PKHD1: variants seen among roughly 807,000 people sequenced by gnomAD.
The protein encoded by PKHD1 is PKHD1 ciliary IPT domain containing fibrocystin/polyductin.
Under a neutral mutation model 412.0 loss-of-function variants are expected in PKHD1, and 291 were observed. That is an observed-to-expected ratio of 0.71 (90% CI 0.64 to 0.78). PKHD1 has a LOEUF of 0.78. Among genes scored for constraint, PKHD1 ranks in the 30% least tolerant of loss-of-function variants. The pLI, the probability that PKHD1 is intolerant of heterozygous loss-of-function variation, is 0.00. For synonymous variants in PKHD1, 1,777 were observed against 1,821.5 expected (o/e 0.98, Z 0.62); for missense variants, 4,825 against 4,950.7 (o/e 0.97, Z 0.76).
intron 37 of PKHD1, among the ~76,000 whole-genome samples, chr6:51,917,831 A>G (rs1784068262): frequency 6.6e-6 from 1 of 152,196 alleles, no homozygotes; most frequent in African/African-American, 2.4e-5. Context: ...CATAGCACTT[A>G]GAGTTTATCC....
chr6:51,840,904 T>A (rs1369551131), intron 50 of PKHD1, among the ~76,000 whole-genome samples: 1 of 152,208 alleles, frequency 6.6e-6, no homozygotes, highest in Non-Finnish European at 1.5e-5. Context: ...TTAGTATCTA[T>A]ACATTGTAAA....
chr6:51,905,211 T>A (rs898502562), intron 41 of PKHD1, among the ~76,000 whole-genome samples: 3 of 152,204 alleles, frequency 2.0e-5, no homozygotes, highest in Admixed American at 6.6e-5. Flanking sequence ...ATTTGCTTTT[T>A]TATTCTGATA....
At chr6:51,893,743 T>C (rs953062212) in intron 43 of PKHD1, among the ~76,000 whole-genome samples, 3 of 150,800 alleles carry the variant, frequency 2.0e-5, no homozygotes, top group Non-Finnish European at 4.4e-5. Context: ...TGTACATCTA[T>C]AGTCACTAGA....
At chr6:51,896,296 C>T (rs1779978451) in intron 43 of PKHD1, among the ~76,000 whole-genome samples, 1 of 151,806 alleles carries the variant, frequency 6.6e-6, no homozygotes, top group South Asian at 2.1e-4. Flanking sequence ...AGTGGTTCTC[C>T]CAGCACGCAG....
chr6:51,653,347 T>G (rs1771271004), intron 61 of PKHD1, among the ~76,000 whole-genome samples: 1 of 152,170 alleles, frequency 6.6e-6, no homozygotes, highest in Non-Finnish European at 1.5e-5. Context: ...AAATGTCTTA[T>G]GATCTGACGG....
intron 35 of PKHD1, among the ~76,000 whole-genome samples, chr6:51,994,901 G>T (rs78397524): frequency 6.6e-6 from 1 of 151,992 alleles, no homozygotes; most frequent in African/African-American, 2.4e-5. Flanking sequence ...TTCCCCAGAC[G>T]TGCCTCCAAG....
chr6:51,901,321 C>T (rs903501051), intron 43 of PKHD1, among the ~76,000 whole-genome samples: 2 of 152,100 alleles, frequency 1.3e-5, no homozygotes, highest in African/African-American at 2.4e-5. Flanking sequence ...ACATATATAC[C>T]GTGGAATACT....
At chr6:51,666,429 T>C (rs1773788092) in intron 60 of PKHD1, among the ~76,000 whole-genome samples, 2 of 152,214 alleles carry the variant, frequency 1.3e-5, no homozygotes, top group African/African-American at 4.8e-5. Flanking sequence ...AAAGATAATT[T>C]AGTATTTTCT....
intron 47 of PKHD1, 139 bp from the exon 48 acceptor site, chr6:51,868,248 T>A (rs1360326776): frequency 1.2e-6 from 1 of 806,682 alleles, no homozygotes; most frequent in African/African-American, 1.7e-5. Context: ...AAAAAGTGTT[T>A]TCTGTGGGTG....
chr6:51,989,685 G>C (rs1796636793), intron 35 of PKHD1, among the ~76,000 whole-genome samples: 1 of 151,738 alleles, frequency 6.6e-6, no homozygotes, highest in African/African-American at 2.4e-5. Context: ...GCTAACAAAG[G>C]CCTTTGATTT....
intron 35 of PKHD1, among the ~76,000 whole-genome samples, chr6:51,995,494 C>A (rs1199315446): frequency 6.6e-6 from 1 of 152,202 alleles, no homozygotes; most frequent in African/African-American, 2.4e-5. Context: ...ACCATGTTTT[C>A]CCATCTCTGG....
Position 51,753,328 on chromosome 6 carries a change from G to A in PKHD1, c.8823C>T (p.Gly2941=). ...HIGSVHVTED[G]RHIRLAAEVG... The stretch of plus-strand genomic sequence containing the variant: ...CCTCAGCAGCCAAACGAATGTGTCG[G>A]CCATCCTCCGTGACATGTACACTTC... The change falls in exon 57 of 67, where the codon GGC becomes GGT. Residue 2941 remains glycine, a synonymous_variant. Transcript: ENST00000371117. 6.2e-7 allele frequency: 1 copy of A among 1,613,680 alleles called. No homozygotes were observed. Among genetic ancestry groups the A allele is most frequent in the Non-Finnish European group, 8.5e-7 (1 of 1,179,704 alleles).
intron 13 of PKHD1, among the ~76,000 whole-genome samples, chr6:52,063,792 C>A (rs1318972514): frequency 6.6e-6 from 1 of 152,168 alleles, no homozygotes; most frequent in Non-Finnish European, 1.5e-5. Flanking sequence ...CAACATTGCC[C>A]CTGGTTGAGA....
Position 51,981,312 on chromosome 6 carries a change from T to G in PKHD1, c.5752-21286A>C, listed in dbSNP as rs1398063490. Among the ~76,000 whole-genome samples, 4 of 7,382 alleles carry G rather than the reference T, an allele frequency of 5.4e-4. 1 individual carries two copies. The highest frequency in any genetic ancestry group is 2.0e-3 in the Non-Finnish European group (4 of 2,044). 4.8% of individuals were successfully genotyped at this position (7,382 alleles called of 152,430 possible). A position where few individuals can be genotyped will look rare whatever the true frequency, so the allele number is the denominator to read the frequency against. On this transcript the variant is annotated intron_variant, in intron 35 of 66. Transcript: ENST00000371117. ...TTTAGAGAGGCTCCAAAGCTCAAGC[T>G]CTCCCTCTCCCTCTCCCTCTCCCTC...
Position 51,617,435 on chromosome 6 carries a change from C to T in PKHD1, c.*1646G>A, listed in dbSNP as rs1766164270. ...GTGCCCAAGCAAAATACATCATCTA[C>T]AAAGAGGACTTACTCAGCATGGCAG... On this transcript the variant is annotated 3_prime_UTR_variant, in exon 67 of 67. Coordinates refer to ENST00000371117, the MANE Select transcript of PKHD1 (RefSeq NM_138694.4). 6.6e-6 allele frequency: 1 copy of T among 152,138 alleles called. No individual in the cohort carries two copies. The highest frequency in any genetic ancestry group is 2.4e-5 in the African/African-American group (1 of 41,442). The allele number at this position is 152,138 out of a possible 1,614,324, so 9.4% of individuals were successfully genotyped here. A position where few individuals can be genotyped will look rare whatever the true frequency, so the allele number is the denominator to read the frequency against.
rs368764088 is a variant in PKHD1, at chr6:51,758,294, T to C, written c.8643-3356A>G. On this transcript the variant is annotated intron_variant, in intron 55 of 66. Coordinates refer to ENST00000371117, the MANE Select transcript of PKHD1 (RefSeq NM_138694.4). The stretch of plus-strand genomic sequence containing the variant: ...ACCATACACAGATGTCAAAGGAGCA[T>C]TGCCCCTTCCACGTCTATGTCCATA... 5.9e-5 allele frequency among the ~76,000 whole-genome samples: 9 copies of C among 152,248 alleles called. No individual in the cohort carries two copies. The East Asian group carries it at 1.5e-3, about 26-fold the overall frequency.
chr6:51,672,769 A>G (rs907959424), intron 60 of PKHD1, among the ~76,000 whole-genome samples: 2 of 152,246 alleles, frequency 1.3e-5, no homozygotes, highest in African/African-American at 2.4e-5. Flanking sequence ...GCACTCATGC[A>G]TATTAGAAAA....
At chr6:51,916,171 C>A (rs185698091) in intron 37 of PKHD1, among the ~76,000 whole-genome samples, 3 of 152,088 alleles carry the variant, frequency 2.0e-5, no homozygotes, top group African/African-American at 7.2e-5. Context: ...CAGCACTGGA[C>A]GCATAATTAA....
At position 51,979,675 on chromosome 6, in the gene PKHD1, G is replaced by A. The variant is rs570778621; in HGVS notation, c.5752-19649C>T. Among the ~76,000 whole-genome samples the A allele has an allele frequency of 3.9e-5, 6 of 152,062 alleles. 1 individual carries two copies. In the South Asian group the frequency reaches 1.0e-3, roughly 26 times the overall value. Reference sequence around the variant, plus strand: ...AGAAAAGAGCTGACTCCAGTGCCTAGAGAACAAAGTCCAAATTCAAATAAG... The same window carrying A: ...AGAAAAGAGCTGACTCCAGTGCCTAAAGAACAAAGTCCAAATTCAAATAAG... On this transcript the variant is annotated intron_variant, in intron 35 of 66. Transcript: ENST00000371117.
Sources: allele counts gnomAD v4.1 joint callset (sites outside exome capture counted in the v4.1 genomes callset), GRCh38; gene constraint gnomAD v4.1.1; transcripts MANE v1.5; gene names NCBI Gene and HGNC (gene_info 2026-07-23, HGNC 2026-07-21).